Variants in LMNTD1 observed in about 807,000 individuals in gnomAD.
LMNTD1 encodes lamin tail domain-containing protein 1.
Under a neutral mutation model 50.9 loss-of-function variants are expected in LMNTD1, and 35 were observed. The ratio of observed to expected loss-of-function variants is 0.69; its 90% confidence interval spans 0.53 to 0.91. LMNTD1 has a LOEUF of 0.91. Ranked by LOEUF, LMNTD1 falls within the 40% of genes least tolerant of loss-of-function variation. The probability of loss-of-function intolerance (pLI) is 0.00; values close to 1 mark genes in which losing one functional copy is unlikely to be tolerated. For synonymous variants in LMNTD1, 153 were observed against 161.9 expected, an observed-to-expected ratio of 0.94 and a Z score of 0.42; for missense variants, 470 against 475.5, an observed-to-expected ratio of 0.99 and a Z score of 0.11.
intron 1 of LMNTD1, among the ~76,000 whole-genome samples, chr12:25,566,375 G>T (rs949350295): frequency 6.6e-6 from 1 of 152,100 alleles, no homozygotes. Context: ...TGGCCATTTG[G>T]GTTGGCTCCA....
Position 25,527,640 on chromosome 12 carries a change from C to CTATATA in LMNTD1, c.492-691_492-686dup, listed in dbSNP as rs61347000. ...CTTATATGCCAGGCACTTAATAACA[C>CTATATA]TATATATATATATATATATATATAT... On this transcript the variant is annotated intron_variant, in intron 4 of 9. Coordinates refer to ENST00000458174, the MANE Select transcript of LMNTD1 (RefSeq NM_001145728.2). Among the ~76,000 whole-genome samples the CTATATA allele has an allele frequency of 3.2e-3, 193 of 61,146 alleles. 1 individual carries two copies. The highest frequency in any genetic ancestry group is 4.1e-3 in the Non-Finnish European group (132 of 31,988). The allele number at this position is 61,146 out of a possible 152,430, so 40.1% of individuals were successfully genotyped here.
chr12:25,544,781 TA>T (rs1308130499), intron 4 of LMNTD1, among the ~76,000 whole-genome samples: 2 of 151,640 alleles, frequency 1.3e-5, no homozygotes, highest in Non-Finnish European at 3.0e-5. Context: ...CAAGTTACTT[TA>T]AAGAGATGAA....
chr12:25,538,608 G>A (rs961735224), intron 4 of LMNTD1, among the ~76,000 whole-genome samples: 15 of 142,068 alleles, frequency 1.1e-4, no homozygotes, highest in East Asian at 4.2e-4. Flanking sequence ...GGTACCAGCC[G>A]CTGCAAAATC....
At chr12:25,612,045 C>T (rs1300179067) in intron 1 of LMNTD1, among the ~76,000 whole-genome samples, 1 of 152,026 alleles carries the variant, frequency 6.6e-6, no homozygotes, top group African/African-American at 2.4e-5. Context: ...CTTGTTTTAC[C>T]ATCTTAGCCT....
At chr12:25,513,529 G>A (rs113621253) in intron 8 of LMNTD1, among the ~76,000 whole-genome samples, 2 of 152,190 alleles carry the variant, frequency 1.3e-5, no homozygotes, top group Admixed American at 6.5e-5. Context: ...TCAGCTACTC[G>A]GGAGGCTGAG....
At chr12:25,528,125 A>G (rs1313039950) in intron 4 of LMNTD1, among the ~76,000 whole-genome samples, 1 of 152,184 alleles carries the variant, frequency 6.6e-6, no homozygotes, top group South Asian at 2.1e-4. Context: ...ATAGTAACTC[A>G]TATAATTCTC....
At chr12:25,541,286 A>T (rs1258739204) in intron 4 of LMNTD1, among the ~76,000 whole-genome samples, 1 of 117,284 alleles carries the variant, frequency 8.5e-6, no homozygotes, top group Non-Finnish European at 1.9e-5. Context: ...CTAAGCCAAA[A>T]GAACAAAGCT....
chr12:25,559,533 T>C (rs545947956), intron 1 of LMNTD1, among the ~76,000 whole-genome samples: 1 of 152,368 alleles, frequency 6.6e-6, no homozygotes, highest in Admixed American at 6.5e-5. Flanking sequence ...TATAGCAGCA[T>C]GATTTATAAT....
At chr12:25,482,033 T>C (rs532963937) in intron 9 of LMNTD1, among the ~76,000 whole-genome samples, 4 of 151,904 alleles carry the variant, frequency 2.6e-5, no homozygotes, top group African/African-American at 9.7e-5. Flanking sequence ...TAATGGAAAA[T>C]AGCTGACTAT....
At chr12:25,622,573 G>A (rs1473102215) in intron 1 of LMNTD1, among the ~76,000 whole-genome samples, 1 of 150,180 alleles carries the variant, frequency 6.7e-6, no homozygotes, top group East Asian at 2.0e-4. Flanking sequence ...GCTGAATTTA[G>A]TAGAGCAGAA....
chr12:25,606,722 G>T (rs181550167), intron 1 of LMNTD1, among the ~76,000 whole-genome samples: 2 of 152,286 alleles, frequency 1.3e-5, no homozygotes, highest in East Asian at 3.9e-4. Context: ...TGTGCTGCTG[G>T]ATTTGGTTTG....
At chr12:25,620,442 G>C (rs1338508785) in intron 1 of LMNTD1, among the ~76,000 whole-genome samples, 1 of 151,512 alleles carries the variant, frequency 6.6e-6, no homozygotes, top group Non-Finnish European at 1.5e-5. Flanking sequence ...TAAATTTCTA[G>C]TTTCTTTTTT....
At position 25,553,263 on chromosome 12, in the gene LMNTD1, C is replaced by G. The variant is rs1011541362; in HGVS notation, c.-225G>C. The G allele has an allele frequency of 6.9e-7, 1 of 1,452,510 alleles. No homozygotes were observed. Among genetic ancestry groups the G allele is most frequent in the African/African-American group, 1.4e-5 (1 of 69,802 alleles). The allele number at this position is 1,452,510 out of a possible 1,614,324, so 90.0% of individuals were successfully genotyped here. A position where few individuals can be genotyped will look rare whatever the true frequency, so the allele number is the denominator to read the frequency against. On this transcript the variant is annotated 5_prime_UTR_variant, in exon 1 of 10. Transcript: ENST00000458174. Reference sequence around the variant, plus strand: ...GCAGCTTGAGAGGGCAGTAACTTGGCAAAGAGACCTTTATGACTACAGTTG... The same window carrying G: ...GCAGCTTGAGAGGGCAGTAACTTGGGAAAGAGACCTTTATGACTACAGTTG...
At chr12:25,597,888 C>G (rs919456235) in intron 1 of LMNTD1, among the ~76,000 whole-genome samples, 1 of 152,038 alleles carries the variant, frequency 6.6e-6, no homozygotes, top group African/African-American at 2.4e-5. Flanking sequence ...GGCTGTGTGT[C>G]CCCACCCAAG....
chr12:25,518,769 C>T (rs770476748), intron 8 of LMNTD1, 26 bp downstream of exon 8: 4 of 1,611,100 alleles, frequency 2.5e-6, no homozygotes, highest in African/African-American at 1.3e-5. Flanking sequence ...GCACTCTCCA[C>T]TGGAACAAGC....
At chr12:25,542,898 A>G (rs187267147) in intron 4 of LMNTD1, among the ~76,000 whole-genome samples, 1 of 151,988 alleles carries the variant, frequency 6.6e-6, no homozygotes, top group Non-Finnish European at 1.5e-5. Context: ...TAGTGATATG[A>G]TCAGGAAAAA....
chr12:25,567,645 C>T (rs139593186), intron 1 of LMNTD1, among the ~76,000 whole-genome samples: 111 of 152,154 alleles, frequency 7.3e-4, no homozygotes, highest in African/African-American at 2.5e-3. Flanking sequence ...TTGGTTAGTT[C>T]ACATGACATC....
At chr12:25,552,434 G>A (rs900577813) in intron 2 of LMNTD1, among the ~76,000 whole-genome samples, 1 of 151,688 alleles carries the variant, frequency 6.6e-6, no homozygotes, top group Non-Finnish European at 1.5e-5. Context: ...GTGAAACCTC[G>A]TCTCTACTAA....
intron 1 of LMNTD1, among the ~76,000 whole-genome samples, chr12:25,572,049 T>C (rs1326033409): frequency 6.6e-6 from 1 of 152,186 alleles, no homozygotes; most frequent in Admixed American, 6.5e-5. Flanking sequence ...CCCTAGGTTT[T>C]GGAGCCAGAT....
Sources: allele counts gnomAD v4.1 joint callset (sites outside exome capture counted in the v4.1 genomes callset), GRCh38; gene constraint gnomAD v4.1.1; transcripts MANE v1.5; gene names NCBI Gene and HGNC (gene_info 2026-07-23, HGNC 2026-07-21).